Variants in WLS observed in about 807,000 individuals in gnomAD.
WLS encodes the protein protein wntless homolog.
In WLS, 23 loss-of-function variants were observed where a neutral mutation model predicts 62.8. The observed-to-expected ratio is 0.37, with a 90% CI of 0.26 to 0.52. WLS has a LOEUF of 0.52. Among genes scored for constraint, WLS ranks in the 20% least tolerant of loss-of-function variants. The pLI, the probability that WLS is intolerant of heterozygous loss-of-function variation, is 0.92. For missense variants in WLS, 615 were observed against 697.3 expected (o/e 0.88, Z 1.33); for synonymous variants, 246 against 244.1 (o/e 1.01, Z -0.07).
intron 2 of WLS, among the ~76,000 whole-genome samples, chr1:68,167,263 CCACTATGAAT>C (rs1647073192): frequency 6.6e-6 from 1 of 152,102 alleles, no homozygotes; most frequent in Admixed American, 6.5e-5. Context: ...ATGGAGCTTC[CCACTATGAAT>C]CCCTAATCCA....
At chr1:68,173,000 TG>T (rs953086900) in intron 2 of WLS, among the ~76,000 whole-genome samples, 1 of 152,104 alleles carries the variant, frequency 6.6e-6, no homozygotes, top group Non-Finnish European at 1.5e-5. Context: ...CGGACTGGGA[TG>T]GGGGGCCAGG....
At chr1:68,181,173 C>T (rs933015061) in intron 2 of WLS, among the ~76,000 whole-genome samples, 3 of 152,094 alleles carry the variant, frequency 2.0e-5, no homozygotes, top group Non-Finnish European at 2.9e-5. Context: ...ATAAAAGAAC[C>T]TCATAATAGC....
chr1:68,132,711 C>T (rs1646544885), intron 11 of WLS, among the ~76,000 whole-genome samples: 1 of 152,168 alleles, frequency 6.6e-6, no homozygotes. Context: ...CCACAGTCAT[C>T]TAGTTGGGAA....
At chr1:68,163,165 T>C (rs1647007958) in intron 2 of WLS, 1 of 913,234 alleles carries the variant, frequency 1.1e-6, no homozygotes. Flanking sequence ...CTCGCAGGAG[T>C]CTCCGTGCAT....
intron 11 of WLS, among the ~76,000 whole-genome samples, chr1:68,110,862 C>T (rs932031627): frequency 6.6e-6 from 1 of 152,000 alleles, no homozygotes; most frequent in African/African-American, 2.4e-5. Flanking sequence ...ATTAAAGAGG[C>T]TCCTTATTCT....
chr1:68,222,915 G>C (rs1354999956), intron 1 of WLS, among the ~76,000 whole-genome samples: 4 of 143,042 alleles, frequency 2.8e-5, no homozygotes, highest in Non-Finnish European at 6.1e-5. Context: ...GTGGGGGTGG[G>C]GGTGGGGGTG....
chr1:68,116,569 A>T (rs919095240), intron 11 of WLS, among the ~76,000 whole-genome samples: 3 of 152,202 alleles, frequency 2.0e-5, no homozygotes, highest in Non-Finnish European at 4.4e-5. Flanking sequence ...CCTACCTCAT[A>T]GGATTCATTT....
rs989140747 is a variant in WLS, at chr1:68,137,138, T to C, written c.1516+642A>G. ...GCTAGTGAAGAAACCCTGAGCAAGA[T>C]CTTCCCTTCTCTAGGCCTCAGTTTC... On this transcript the variant is annotated intron_variant, in intron 11 of 11. Coordinates refer to ENST00000262348, the MANE Select transcript of WLS (RefSeq NM_024911.7). Among the ~76,000 whole-genome samples, 6 of 152,328 alleles carry C rather than the reference T, an allele frequency of 3.9e-5. No homozygotes were observed. In the South Asian group the frequency reaches 1.2e-3, roughly 32 times the overall value.
At chr1:68,186,522 G>T in intron 2 of WLS, 1 of 429,624 alleles carries the variant, frequency 2.3e-6, no homozygotes, top group Non-Finnish European at 4.6e-6. Flanking sequence ...AAATGGATTG[G>T]TCTTGACTTT....
intron 3 of WLS, among the ~76,000 whole-genome samples, chr1:68,157,328 C>G (rs1646913271): frequency 1.3e-5 from 2 of 152,228 alleles, no homozygotes; most frequent in South Asian, 4.1e-4. Flanking sequence ...ACCCTTGACA[C>G]AAATTTACCT....
intron 8 of WLS, among the ~76,000 whole-genome samples, chr1:68,146,642 C>T (rs927531772): frequency 1.3e-5 from 2 of 152,088 alleles, no homozygotes; most frequent in Non-Finnish European, 2.9e-5. Context: ...TAAAGTGAAA[C>T]CAGGGATGAA....
intron 1 of WLS, among the ~76,000 whole-genome samples, chr1:68,214,604 C>A (rs947442111): frequency 1.3e-5 from 2 of 152,084 alleles, no homozygotes; most frequent in Admixed American, 6.6e-5. Context: ...GACCTCAGGC[C>A]TCCCAAAGTG....
intron 3 of WLS, among the ~76,000 whole-genome samples, chr1:68,158,582 T>TGA (rs962704835): frequency 3.4e-4 from 51 of 150,892 alleles, no homozygotes; most frequent in African/African-American, 1.2e-3. Flanking sequence ...TAATAATAGC[T>TGA]GATGAGCTAA....
chr1:68,178,832 T>C (rs985480665), intron 2 of WLS, among the ~76,000 whole-genome samples: 2 of 152,194 alleles, frequency 1.3e-5, no homozygotes, highest in African/African-American at 4.8e-5. Flanking sequence ...TGCTAGCATG[T>C]AGTACAAGTC....
At chr1:68,098,784 C>T (rs111913872) in intron 11 of WLS, 3 of 1,600,716 alleles carry the variant, frequency 1.9e-6, no homozygotes, top group Non-Finnish European at 2.6e-6. Context: ...TAAAACCATG[C>T]AAAATATCCT....
At chr1:68,137,749 C>T (rs1430754) in intron 11 of WLS, 31 bp downstream of exon 11, 280,534 of 1,603,896 alleles carry the variant, frequency 0.17, 26,660 homozygotes, top group Admixed American at 0.2. Flanking sequence ...TTTATCCTGA[C>T]TTAAGCTGTT....
chr1:68,115,586 A>G (rs1274816512), intron 11 of WLS, among the ~76,000 whole-genome samples: 1 of 152,218 alleles, frequency 6.6e-6, no homozygotes, highest in Non-Finnish European at 1.5e-5. Context: ...TATAAATGAA[A>G]GTACCTATAT....
At chr1:68,224,798 CT>C (rs1310355764) in intron 1 of WLS, among the ~76,000 whole-genome samples, 1 of 152,006 alleles carries the variant, frequency 6.6e-6, no homozygotes, top group Non-Finnish European at 1.5e-5. Context: ...GAGCTTTCAT[CT>C]TCTGCTCTAT....
At chr1:68,108,914 G>A in intron 11 of WLS, among the ~76,000 whole-genome samples, 1 of 152,160 alleles carries the variant, frequency 6.6e-6, no homozygotes, top group Admixed American at 6.5e-5. Flanking sequence ...AGGGGCCCGT[G>A]TTAGTAGAAT....
Sources: gnomAD v4.1 joint callset for allele counts (sites outside exome capture counted in the v4.1 genomes callset) on GRCh38, gnomAD v4.1.1 for gene constraint, MANE v1.5 for transcripts, NCBI Gene and HGNC (gene_info 2026-07-23, HGNC 2026-07-21) for gene names.